The following IFNA13 variants were observed in gnomAD, a reference collection of about 807,000 sequenced individuals.
The protein encoded by IFNA13 is interferon alpha-13.
For missense variants in IFNA13, 166 were observed against 220.7 expected (o/e 0.75, Z 1.57); for synonymous variants, 61 against 86.3 (o/e 0.71, Z 1.62).
chr9:21,367,644 A>G (rs1195446186), exon 1 of IFNA13: 1 of 1,539,752 alleles, frequency 6.5e-7, no homozygotes, highest in East Asian at 2.3e-5. Flanking sequence ...TGCATCACAC[A>G]GGCTTCCAAG....
chr9:21,368,057 C>T (rs568939377), exon 1 of IFNA13: 3 of 1,604,572 alleles, frequency 1.9e-6, no homozygotes, highest in African/African-American at 1.4e-5. Context: ...TGACTCTGAA[C>T]CTTGGGCTCT....
In IFNA13 at chr9:21,367,855, G is replaced by A. The variant is rs764035787; in HGVS notation, c.156C>T (p.Ser52=). The A allele has an allele frequency of 3.7e-6, 6 of 1,607,768 alleles. No homozygotes were observed. The South Asian group carries it at 5.5e-5, about 15-fold the overall frequency. ...CAAAGTCATGTCTGTCCATCAGACA[G>A]GAGGAAGGAGAGATTCTGCTCATTT... The change falls in exon 1 of 1, where the codon TCC becomes TCT. Residue 52 remains serine, a synonymous_variant. Coordinates refer to ENST00000610660, the Ensembl canonical transcript of IFNA13.
At chr9:21,367,402 T>C (rs566622587), downstream of IFNA13, 7 of 1,612,812 alleles carry the variant, frequency 4.3e-6, no homozygotes, top group South Asian at 6.6e-5. Flanking sequence ...ACCTGGTATA[T>C]GAGTCAATAA....
Position 21,367,701 on chromosome 9 carries a change from C to T in IFNA13, c.310G>A (p.Asp104Asn), listed in dbSNP as rs1381652749. Reference sequence around the variant, plus strand: ...TCGGTGCAGAATTTGTCTAGGAGGTCCTCATCCCAAGCAGCAGATGAATCT... The same window carrying T: ...TCGGTGCAGAATTTGTCTAGGAGGTTCTCATCCCAAGCAGCAGATGAATCT... The change falls in exon 1 of 1, where the codon GAC becomes AAC. Residue 104 changes from aspartate to asparagine, a missense_variant. Asp to Asn is a conservative substitution (Grantham distance 23). Coordinates refer to ENST00000610660, the Ensembl canonical transcript of IFNA13. 4 of 1,437,198 alleles carry T rather than the reference C, an allele frequency of 2.8e-6. No homozygotes were observed. The Admixed American group carries it at 8.7e-5, about 31-fold the overall frequency. The allele number at this position is 1,437,198 out of a possible 1,614,324, so 89.0% of individuals were successfully genotyped here.
At chr9:21,367,998 G>T in exon 1 of IFNA13, 1 of 1,612,764 alleles carries the variant, frequency 6.2e-7, no homozygotes, top group Non-Finnish European at 8.5e-7. Context: ...AAAGCAAAGG[G>T]CGAGGCCATC....
At chr9:21,367,636 C>T (rs756375954) in exon 1 of IFNA13, 5 of 1,554,154 alleles carry the variant, frequency 3.2e-6, no homozygotes, top group Middle Eastern at 2.0e-4. Flanking sequence ...TCTCCTCCTG[C>T]ATCACACAGG....
chr9:21,367,498 T>C, exon 1 of IFNA13: 1 of 1,592,566 alleles, frequency 6.3e-7, no homozygotes. Context: ...ATCTCATGAT[T>C]TCTGCTCTGA....
Position 21,367,473 on chromosome 9 carries a change from T to A in IFNA13, c.538A>T (p.Thr180Ser), listed in dbSNP as rs373918648. The change falls in exon 1 of 1, where the codon ACA becomes TCA. Residue 180 changes from threonine (T) to serine (S), a missense_variant. Transcript: ENST00000610660. ...CTCCTTAATCTTTCTTGCAAGTTTG[T>A]TGATAAAGAGAGGGATCTCATGATT... 2.5e-6 allele frequency: 4 copies of A among 1,612,484 alleles called. No homozygotes were observed. The African/African-American group carries it at 5.4e-5, about 22-fold the overall frequency.
At chr9:21,368,020 A>G in exon 1 of IFNA13, 2 of 1,612,842 alleles carry the variant, frequency 1.2e-6, no homozygotes, top group Non-Finnish European at 1.7e-6. Context: ...TAGATATTGC[A>G]GATGCTTCTG....
At chr9:21,367,733 G>A (rs1400363746) in exon 1 of IFNA13, 1 of 1,440,188 alleles carries the variant, frequency 6.9e-7, no homozygotes, top group East Asian at 2.4e-5. Flanking sequence ...ATCTTTTGTG[G>A]TAAAGAGGTT....
At chr9:21,367,853 C>A in exon 1 of IFNA13, 9 of 1,607,276 alleles carry the variant, frequency 5.6e-6, no homozygotes, top group Non-Finnish European at 7.6e-6. Flanking sequence ...GTCCATCAGA[C>A]AGGAGGAAGG....
chr9:21,367,807 A>G, exon 1 of IFNA13: 1 of 1,591,830 alleles, frequency 6.3e-7, no homozygotes, highest in South Asian at 1.1e-5. Flanking sequence ...ACTGGTTGCC[A>G]TCAAACTCCT....
exon 1 of IFNA13, chr9:21,367,441 T>A: frequency 1.9e-6 from 3 of 1,614,028 alleles, no homozygotes; most frequent in Non-Finnish European, 1.7e-6. Flanking sequence ...CCAGGTGTTA[T>A]TCCTTCCTCC....
At chr9:21,367,567 G>C (rs750932262) in exon 1 of IFNA13, 7 of 1,606,180 alleles carry the variant, frequency 4.4e-6, no homozygotes, top group Non-Finnish European at 5.1e-6. Context: ...TGATTCTTCG[G>C]AAGTATTTCT....
In IFNA13 at chr9:21,367,627, C is replaced by T. The variant is rs767934586; in HGVS notation, c.384G>A (p.Glu128=). 1.4e-5 allele frequency: 22 copies of T among 1,566,426 alleles called. No individual in the cohort carries two copies. The Admixed American group carries it at 1.5e-4, about 10-fold the overall frequency. Reference sequence around the variant, plus strand: ...TCATCAGGGGAGTTTCTCCCACCCTCTCCTCCTGCATCACACAGGCTTCCA... The same window carrying T: ...TCATCAGGGGAGTTTCTCCCACCCTTTCCTCCTGCATCACACAGGCTTCCA... Residue 128 remains glutamate (E), a synonymous_variant, in exon 1 of 1, where the codon GAG becomes GAA. Coordinates refer to ENST00000610660, the Ensembl canonical transcript of IFNA13.
chr9:21,367,429 G>T (rs750315648), exon 1 of IFNA13: 2 of 1,613,808 alleles, frequency 1.2e-6, no homozygotes, highest in Non-Finnish European at 1.7e-6. Context: ...TTTCATGTTG[G>T]ACCAGGTGTT....
rs147549496 is a variant in IFNA13, at chr9:21,367,984, C to T, written c.27G>A (p.Leu9=). ...TGCAGCTGAGCACCACCAGGGCCAT[C>T]AGTAAAGCAAAGGGCGAGGCCATCA... The change falls in exon 1 of 1, where the codon CTG becomes CTA. Residue 9 remains leucine (L), a synonymous_variant. Transcript: ENST00000610660. 2.9e-4 allele frequency: 462 copies of T among 1,613,044 alleles called. 2 individuals carry two copies. The highest frequency in any genetic ancestry group is 3.7e-4 in the Non-Finnish European group (433 of 1,180,026).
exon 1 of IFNA13, chr9:21,367,803 T>C (rs775347171): frequency 6.3e-6 from 10 of 1,585,544 alleles, no homozygotes; most frequent in Non-Finnish European, 8.6e-6. Context: ...TGGAACTGGT[T>C]GCCATCAAAC....
chr9:21,368,039 G>A lies in IFNA13; in HGVS notation c.-29C>T, dbSNP rs753560790. 1.9e-6 allele frequency: 3 copies of A among 1,611,970 alleles called. No individual in the cohort carries two copies. In the African/African-American group the frequency reaches 4.1e-5, roughly 22 times the overall value. ...TATTGCAGATGCTTCTGGGCTTGCT[G>A]AGATGGGTGACTCTGAACCTTGGGC... On this transcript the variant is annotated 5_prime_UTR_variant, in exon 1 of 1. Coordinates refer to ENST00000610660, the Ensembl canonical transcript of IFNA13.
Sources: gnomAD v4.1 joint callset for allele counts on GRCh38, gnomAD v4.1.1 for gene constraint, MANE v1.5 for transcripts, NCBI Gene and HGNC (gene_info 2026-07-23, HGNC 2026-07-21) for gene names.